CCDC50: variants seen among roughly 807,000 people sequenced by gnomAD.
The protein encoded by CCDC50 is coiled-coil domain-containing protein 50.
Under a neutral mutation model 70.2 loss-of-function variants are expected in CCDC50, and 54 were observed. That is an observed-to-expected ratio of 0.77 (90% confidence interval 0.62 to 0.96). The LOEUF (loss-of-function observed/expected upper bound fraction) is 0.96. Ranked by LOEUF, CCDC50 falls within the 50% of genes least tolerant of loss-of-function variation. The pLI, the probability that CCDC50 is intolerant of heterozygous loss-of-function variation, is 0.00. For missense variants in CCDC50, 558 were observed against 578.7 expected (o/e 0.96, Z 0.37); for synonymous variants, 216 against 198.8 (o/e 1.09, Z -0.73).
intron 1 of CCDC50, among the ~76,000 whole-genome samples, chr3:191,341,433 A>T (rs1711729344): frequency 6.6e-6 from 1 of 152,218 alleles, no homozygotes; most frequent in African/African-American, 2.4e-5. Flanking sequence ...GCCTGGAAGT[A>T]AGCAATATTT....
At chr3:191,362,827 A>G (rs375276126) in intron 4 of CCDC50, among the ~76,000 whole-genome samples, 73 of 152,346 alleles carry the variant, frequency 4.8e-4, no homozygotes, top group African/African-American at 1.4e-3. Context: ...TTCAAGAAAC[A>G]AATCATGATC....
chr3:191,345,680 T>C (rs1263700806), intron 1 of CCDC50, among the ~76,000 whole-genome samples: 1 of 152,338 alleles, frequency 6.6e-6, no homozygotes, highest in African/African-American at 2.4e-5. Flanking sequence ...CATATCTACT[T>C]GCCAAACAAG....
At chr3:191,334,028 TTG>T (rs1253447206) in intron 1 of CCDC50, among the ~76,000 whole-genome samples, 1 of 152,182 alleles carries the variant, frequency 6.6e-6, no homozygotes, top group Admixed American at 6.5e-5. Context: ...AAATGCTATT[TTG>T]TGTTTTTGAT....
intron 1 of CCDC50, among the ~76,000 whole-genome samples, chr3:191,343,170 G>T (rs943310959): frequency 5.3e-5 from 8 of 152,264 alleles, no homozygotes; most frequent in South Asian, 4.1e-4. Flanking sequence ...TGGTATCTGT[G>T]GGGGTGCTGG....
In CCDC50 at chr3:191,398,292, A is replaced by G. The variant is rs960551314; in HGVS notation, c.*6532A>G. The G allele has an allele frequency of 6.6e-6, 1 of 152,242 alleles. No individual in the cohort carries two copies. The highest frequency in any genetic ancestry group is 1.5e-5 in the Non-Finnish European group (1 of 68,046). 9.4% of individuals were successfully genotyped at this position (152,242 alleles called of 1,614,324 possible). On this transcript the variant is annotated 3_prime_UTR_variant, in exon 12 of 12. Coordinates refer to ENST00000392455, the MANE Select transcript of CCDC50 (RefSeq NM_178335.3). ...TTTCTCATTAGGTTCTTTAAACATC[A>G]GGTTTAATATTGATATTATGAATAA...
rs183161375 is a variant in CCDC50 at position 191,348,740 on chromosome 3, C to T, written c.50-8348C>T. Among the ~76,000 whole-genome samples, 81 of 142,218 alleles carry T rather than the reference C, an allele frequency of 5.7e-4. 15 individuals carry two copies. Among genetic ancestry groups the T allele is most frequent in the South Asian group, 4.9e-3 (22 of 4,526 alleles). 93.3% of individuals were successfully genotyped at this position (142,218 alleles called of 152,430 possible). A position where few individuals can be genotyped will look rare whatever the true frequency, so the allele number is the denominator to read the frequency against. ...ATGGAACACCTATGTAGATTATTTG[C>T]TTAGCTTCAGCCAAAATTAGATGCC... On this transcript the variant is annotated intron_variant, in intron 1 of 11. Coordinates refer to ENST00000392455, the MANE Select transcript of CCDC50 (RefSeq NM_178335.3).
intron 4 of CCDC50, 126 bp downstream of exon 4, chr3:191,361,285 G>A (rs536515251): frequency 1.4e-6 from 1 of 718,642 alleles, no homozygotes; most frequent in African/African-American, 1.8e-5. Flanking sequence ...CCTCTTATTT[G>A]GGCTGCATTT....
In CCDC50 at chr3:191,393,368, A is replaced by G. The variant is rs1713760324; in HGVS notation, c.*1608A>G. 6.6e-6 allele frequency: 1 copy of G among 152,194 alleles called. No individual in the cohort carries two copies. Among genetic ancestry groups the G allele is most frequent in the Non-Finnish European group, 1.5e-5 (1 of 68,046 alleles). 9.4% of individuals were successfully genotyped at this position (152,194 alleles called of 1,614,324 possible). On this transcript the variant is annotated 3_prime_UTR_variant, in exon 12 of 12. Coordinates refer to ENST00000392455, the MANE Select transcript of CCDC50 (RefSeq NM_178335.3). Reference sequence around the variant, plus strand: ...GAAAAAATATGTAGGTCACTAGAGAAAAATGTTAATTTTTTTCCCACTGTG... The same window carrying G: ...GAAAAAATATGTAGGTCACTAGAGAGAAATGTTAATTTTTTTCCCACTGTG...
rs1713842123 is a variant in CCDC50 at position 191,395,802 on chromosome 3, A to G, written c.*4042A>G. On this transcript the variant is annotated 3_prime_UTR_variant, in exon 12 of 12. Coordinates refer to ENST00000392455, the MANE Select transcript of CCDC50 (RefSeq NM_178335.3). Reference sequence around the variant, plus strand: ...TTACTTTGTCTATTACTTACTGCTCATAGAGAAGTGACTATATAAAATGGT... The same window carrying G: ...TTACTTTGTCTATTACTTACTGCTCGTAGAGAAGTGACTATATAAAATGGT... The G allele has an allele frequency of 6.6e-6, 1 of 152,246 alleles. No individual in the cohort carries two copies. The highest frequency in any genetic ancestry group is 6.5e-5 in the Admixed American group (1 of 15,284). 9.4% of individuals were successfully genotyped at this position (152,246 alleles called of 1,614,324 possible).
intron 10 of CCDC50, among the ~76,000 whole-genome samples, chr3:191,387,917 C>G (rs980542543): frequency 1.3e-4 from 20 of 152,144 alleles, no homozygotes; most frequent in African/African-American, 4.3e-4. Context: ...GCCTGAGTCA[C>G]TTCTTAAGCC....
intron 1 of CCDC50, among the ~76,000 whole-genome samples, chr3:191,333,082 C>G (rs73201628): frequency 0.092 from 13,971 of 152,064 alleles, 696 homozygotes; most frequent in East Asian, 0.25. Flanking sequence ...GTGGAAAGTT[C>G]CACTGTCTCA....
At chr3:191,384,401 T>C (rs1713420261) in intron 10 of CCDC50, among the ~76,000 whole-genome samples, 1 of 152,212 alleles carries the variant, frequency 6.6e-6, no homozygotes, top group South Asian at 2.1e-4. Context: ...GAATGTATAC[T>C]TTCTGGTTAG....
chr3:191,375,657 A>G (rs1476941708), intron 6 of CCDC50, 68 bp downstream of exon 6: 4 of 1,499,504 alleles, frequency 2.7e-6, no homozygotes, highest in Non-Finnish European at 3.6e-6. Flanking sequence ...TGAATTTAAT[A>G]AGTACCTTAA....
intron 1 of CCDC50, among the ~76,000 whole-genome samples, chr3:191,353,543 C>G (rs1428605782): frequency 7.1e-6 from 1 of 141,288 alleles, no homozygotes; most frequent in Non-Finnish European, 1.6e-5. Flanking sequence ...GAGAAAAGTT[C>G]TCTTCATGCT....
intron 1 of CCDC50, among the ~76,000 whole-genome samples, chr3:191,334,775 G>A (rs903169295): frequency 1.3e-5 from 2 of 151,994 alleles, no homozygotes; most frequent in African/African-American, 4.8e-5. Flanking sequence ...TTTCATTTAT[G>A]TGATATGCCA....
chr3:191,384,632 G>A (rs532844056), intron 10 of CCDC50, among the ~76,000 whole-genome samples: 20 of 152,190 alleles, frequency 1.3e-4, no homozygotes, highest in African/African-American at 3.4e-4. Context: ...TCTACTCTTC[G>A]TGTATGTGTG....
At chr3:191,337,301 G>A (rs1711554456) in intron 1 of CCDC50, among the ~76,000 whole-genome samples, 1 of 152,104 alleles carries the variant, frequency 6.6e-6, no homozygotes, top group South Asian at 2.1e-4. Context: ...ATATAATGAT[G>A]CCCTTGGGAA....
intron 1 of CCDC50, among the ~76,000 whole-genome samples, chr3:191,338,490 A>T (rs1446407518): frequency 6.6e-6 from 1 of 152,088 alleles, no homozygotes; most frequent in Non-Finnish European, 1.5e-5. Context: ...AGGGCTATTC[A>T]CTCTCAATGT....
At position 191,375,100 on chromosome 3, in the gene CCDC50, G is replaced by A. The variant is rs775923259; in HGVS notation, c.487G>A (p.Gly163Arg). 6 of 1,613,414 alleles carry A rather than the reference G, an allele frequency of 3.7e-6. No homozygotes were observed. In the Admixed American group the frequency reaches 6.7e-5, roughly 18 times the overall value. Reference sequence around the variant, plus strand: ...AAGGAGGGCCAGGGAATTGGGTTCTGGATTCTCAAGACCTTGTAGACTCCA... The same window carrying A: ...AAGGAGGGCCAGGGAATTGGGTTCTAGATTCTCAAGACCTTGTAGACTCCA... ...GSRRARELGS[G>R]FSRPCRLQRD... The change falls in exon 6 of 12, where the codon GGA becomes AGA. Residue 163 changes from glycine (G) to arginine (R), a missense_variant. Gly to Arg is a moderately radical substitution (Grantham distance 125). Coordinates refer to ENST00000392455, the MANE Select transcript of CCDC50 (RefSeq NM_178335.3).
Sources: gnomAD v4.1 joint callset for allele counts (sites outside exome capture counted in the v4.1 genomes callset) on GRCh38, gnomAD v4.1.1 for gene constraint, MANE v1.5 for transcripts, NCBI Gene and HGNC (gene_info 2026-07-23, HGNC 2026-07-21) for gene names.